NR2C1: variants seen among roughly 807,000 people sequenced by gnomAD.
The protein encoded by NR2C1 is TR2 nuclear hormone receptor.
A neutral mutation model predicts 74.8 loss-of-function variants in NR2C1; 33 were observed. The ratio of observed to expected loss-of-function variants is 0.44; its 90% confidence interval spans 0.33 to 0.59. The LOEUF is 0.59. NR2C1 is among the 20% of genes least tolerant of loss of function. NR2C1 has a pLI of 0.02. For missense variants in NR2C1, 568 were observed against 715.6 expected, an observed-to-expected ratio of 0.79 and a Z score of 2.35; for synonymous variants, 225 against 240.6, an observed-to-expected ratio of 0.94 and a Z score of 0.60.
chr12:95,060,089 T>G, intron 3 of NR2C1, 105 bp from the exon 4 acceptor site: 1 of 900,874 alleles, frequency 1.1e-6, no homozygotes, highest in South Asian at 1.8e-5. Flanking sequence ...TGGTCTTGCT[T>G]TGTTGCTTTC....
At chr12:95,055,725 A>G (rs1038088755) in intron 7 of NR2C1, among the ~76,000 whole-genome samples, 2 of 151,990 alleles carry the variant, frequency 1.3e-5, no homozygotes, top group Non-Finnish European at 2.9e-5. Flanking sequence ...AGGCTGAGGC[A>G]GGCGGATCAT....
At chr12:95,033,802 A>T (rs1461182124) in intron 10 of NR2C1, among the ~76,000 whole-genome samples, 3 of 152,234 alleles carry the variant, frequency 2.0e-5, no homozygotes, top group African/African-American at 7.2e-5. Context: ...CACAGAAAGA[A>T]TTCTGCAAAT....
At chr12:95,031,038 A>C (rs1870032807) in intron 11 of NR2C1, among the ~76,000 whole-genome samples, 1 of 152,224 alleles carries the variant, frequency 6.6e-6, no homozygotes, top group South Asian at 2.1e-4. Context: ...TATATGTTTT[A>C]AAATATTTGA....
At chr12:95,069,281 A>G (rs1876218040) in intron 1 of NR2C1, among the ~76,000 whole-genome samples, 1 of 152,216 alleles carries the variant, frequency 6.6e-6, no homozygotes, top group Admixed American at 6.5e-5. Context: ...GTTTATCTGA[A>G]TGAATTCCAG....
At chr12:95,031,306 C>T in intron 11 of NR2C1, 43 bp downstream of exon 11, 5 of 1,466,662 alleles carry the variant, frequency 3.4e-6, no homozygotes, top group Non-Finnish European at 4.5e-6. Context: ...GAAACTCATG[C>T]CTCCTCCTAC....
At chr12:95,031,604 A>G (rs1870118260) in intron 10 of NR2C1, 116 bp from the exon 11 acceptor site, 2 of 734,602 alleles carry the variant, frequency 2.7e-6, no homozygotes, top group African/African-American at 1.8e-5. Context: ...ATTATTCTAG[A>G]AAGATTTGAG....
intron 4 of NR2C1, among the ~76,000 whole-genome samples, 181 bp from the exon 5 acceptor site, chr12:95,058,670 C>T (rs929482869): frequency 2.6e-5 from 4 of 152,200 alleles, no homozygotes; most frequent in African/African-American, 9.7e-5. Context: ...CGGGATCTCG[C>T]TCTGTGGCCC....
intron 11 of NR2C1, 80 bp downstream of exon 11, chr12:95,031,269 T>C (rs1266209848): frequency 1.7e-6 from 2 of 1,163,232 alleles, no homozygotes; most frequent in East Asian, 5.4e-5. Context: ...AATTATTAGA[T>C]ATCTAACTTT....
intron 7 of NR2C1, among the ~76,000 whole-genome samples, chr12:95,057,035 G>C (rs1874014271): frequency 6.6e-6 from 1 of 150,420 alleles, no homozygotes; most frequent in African/African-American, 2.4e-5. Flanking sequence ...TGAGGGAAGA[G>C]TACGTGTTTG....
chr12:95,022,926 C>A (rs984991275), intron 13 of NR2C1, among the ~76,000 whole-genome samples: 2 of 150,962 alleles, frequency 1.3e-5, no homozygotes, highest in Admixed American at 6.6e-5. Context: ...TGGTCTCACA[C>A]TCTTGGGCTC....
At chr12:95,032,389 C>T (rs546549766) in intron 10 of NR2C1, among the ~76,000 whole-genome samples, 2 of 149,782 alleles carry the variant, frequency 1.3e-5, no homozygotes, top group Non-Finnish European at 3.0e-5. Context: ...ACCTGGGAGG[C>T]AGAGCTTGCA....
intron 10 of NR2C1, among the ~76,000 whole-genome samples, chr12:95,032,677 A>T (rs187820944): frequency 6.6e-6 from 1 of 152,172 alleles, no homozygotes; most frequent in East Asian, 1.9e-4. Flanking sequence ...AAAGGTAAGA[A>T]TTAGCTGGGG....
chr12:95,040,755 T>C (rs933789252), intron 9 of NR2C1, among the ~76,000 whole-genome samples, 158 bp from the exon 10 acceptor site: 1 of 152,206 alleles, frequency 6.6e-6, no homozygotes, highest in African/African-American at 2.4e-5. Context: ...AATTTACAGC[T>C]AACAGGGCTT....
intron 10 of NR2C1, among the ~76,000 whole-genome samples, chr12:95,037,894 C>CA (rs988473049): frequency 0.12 from 7,746 of 65,966 alleles, 421 homozygotes; most frequent in African/African-American, 0.17. Flanking sequence ...GCCTCCATCT[C>CA]AAAAAAAAAA....
chr12:95,058,257 G>A (rs1874211931), intron 5 of NR2C1, 53 bp downstream of exon 5: 1 of 1,473,522 alleles, frequency 6.8e-7, no homozygotes, highest in South Asian at 1.3e-5. Context: ...CAATACTCTT[G>A]TAGTTTGCTG....
chr12:95,033,234 G>A (rs951929129), intron 10 of NR2C1, among the ~76,000 whole-genome samples: 22 of 151,558 alleles, frequency 1.5e-4, no homozygotes, highest in African/African-American at 5.1e-4. Flanking sequence ...ATGAAAAAAA[G>A]GGGAAATAAC....
intron 2 of NR2C1, 53 bp from the exon 3 acceptor site, chr12:95,062,791 A>G: frequency 1.5e-6 from 2 of 1,362,286 alleles, no homozygotes. Context: ...TTCTTTAATG[A>G]CACAATTATC....
chr12:95,054,454 G>A (rs574119058), intron 7 of NR2C1, among the ~76,000 whole-genome samples: 56 of 152,138 alleles, frequency 3.7e-4, no homozygotes, highest in African/African-American at 1.3e-3. Context: ...CTACAGGCAT[G>A]TACCACCATG....
At chr12:95,046,012 G>T (rs894315611) in intron 9 of NR2C1, among the ~76,000 whole-genome samples, 17 of 151,916 alleles carry the variant, frequency 1.1e-4, no homozygotes, top group African/African-American at 4.1e-4. Flanking sequence ...GCTAATTTTT[G>T]TATTTTTAGT....
Sources: allele counts gnomAD v4.1 joint callset (sites outside exome capture counted in the v4.1 genomes callset), GRCh38; gene constraint gnomAD v4.1.1; transcripts MANE v1.5; gene names NCBI Gene and HGNC (gene_info 2026-07-23, HGNC 2026-07-21).